OTOF: variants seen among roughly 807,000 people sequenced by gnomAD.
OTOF encodes the protein otoferlin.
Under a neutral mutation model 236.8 loss-of-function variants are expected in OTOF, and 218 were observed. The observed-to-expected ratio is 0.92, with a 90% CI of 0.82 to 1.03. The LOEUF (loss-of-function observed/expected upper bound fraction) is 1.03. OTOF is among the 50% of genes least tolerant of loss of function. OTOF has a pLI of 0.00. For synonymous variants in OTOF, 1,041 were observed against 1,072.5 expected (o/e 0.97, Z 0.57); for missense variants, 2,590 against 2,694.4 (o/e 0.96, Z 0.86).
chr2:26,542,268 G>A (rs548781138), intron 1 of OTOF, among the ~76,000 whole-genome samples: 3 of 152,360 alleles, frequency 2.0e-5, no homozygotes, highest in African/African-American at 4.8e-5. Flanking sequence ...GCCAGCCCAT[G>A]TGTGTTCATT....
Position 26,474,513 on chromosome 2 carries a change from C to CT in OTOF, c.3287dup (p.Ile1097AspfsTer8). The CT allele has an allele frequency of 6.2e-7, 1 of 1,601,860 alleles. No homozygotes were observed. Among genetic ancestry groups the CT allele is most frequent in the South Asian group, 1.1e-5 (1 of 89,580 alleles). ...CAGCCCCTCTTCCCTGCAGTCCCAC[C>CT]TGCAGCAGCTCGAAGGCCGCCAGCA... On this transcript the variant is annotated frameshift_variant and splice_region_variant, in exon 26 of 47. Transcript: ENST00000272371. LOFTEE classifies it high-confidence loss of function.
intron 23 of OTOF, 44 bp from the exon 24 acceptor site, chr2:26,476,082 C>T (rs1665247918): frequency 6.2e-7 from 1 of 1,611,714 alleles, no homozygotes; most frequent in Non-Finnish European, 8.5e-7. Context: ...GGCAGCCCCT[C>T]CGGCCCCCTC....
chr2:26,545,040 CAAAA>C (rs56104110), intron 1 of OTOF, among the ~76,000 whole-genome samples: 1 of 136,474 alleles, frequency 7.3e-6, no homozygotes. Flanking sequence ...GATGCCATCC[CAAAA>C]AAAAAAAAAA....
chr2:26,550,655 C>A (rs1016087156), intron 1 of OTOF, among the ~76,000 whole-genome samples: 2 of 152,138 alleles, frequency 1.3e-5, no homozygotes, highest in Non-Finnish European at 2.9e-5. Flanking sequence ...CCCAGGACCA[C>A]AATTGACTCT....
rs370657974 is a variant in OTOF, at chr2:26,466,700, G to A, written c.4500+14C>T. ...GAGGAGACTTGCAAGGAGGGAAAGC[G>A]ACGGGAGTCTCACCCGGACCACATA... On this transcript the variant is annotated intron_variant, in intron 36 of 46. Coordinates refer to ENST00000272371, the MANE Select transcript of OTOF (RefSeq NM_194248.3). The A allele has an allele frequency of 4.0e-5, 64 of 1,614,106 alleles. No homozygotes were observed. The highest frequency in any genetic ancestry group is 1.8e-4 in the East Asian group (8 of 44,880).
intron 1 of OTOF, among the ~76,000 whole-genome samples, chr2:26,546,676 T>C (rs1175193035): frequency 6.6e-6 from 1 of 152,170 alleles, no homozygotes; most frequent in Non-Finnish European, 1.5e-5. Context: ...TATAGATCAT[T>C]TTGTGGAGAA....
intron 1 of OTOF, among the ~76,000 whole-genome samples, chr2:26,542,021 G>A (rs1190584206): frequency 6.6e-6 from 1 of 152,160 alleles, no homozygotes; most frequent in Admixed American, 6.6e-5. Context: ...CAAGTGCCAT[G>A]GTATCAGATA....
rs1572425245 is a variant in OTOF, at chr2:26,475,438, A to G, written c.3047T>C (p.Leu1016Pro). 1 of 1,612,984 alleles carries G rather than the reference A, an allele frequency of 6.2e-7. No homozygotes were observed. Residue 1016 changes from leucine (L) to proline (P), a missense_variant, in exon 25 of 47, where the codon CTG (leucine) becomes CCG (proline). This residue lies in a region of OTOF where 1,211 missense variants were observed against 1,352.8 expected (regional missense o/e 0.90). Coordinates refer to ENST00000272371, the MANE Select transcript of OTOF (RefSeq NM_194248.3). ...CTCATGAGCTTCACCATAGAGCTCC[A>G]GGTTGTCGAACACCAGCATCTGGTC... is the stretch of plus-strand genomic sequence containing the variant. ...TWDQMLVFDN[L>P]ELYGEAHELR... is the part of the protein sequence containing the mutation.
At chr2:26,552,789 T>A (rs1262017882) in intron 1 of OTOF, among the ~76,000 whole-genome samples, 1 of 152,094 alleles carries the variant, frequency 6.6e-6, no homozygotes, top group African/African-American at 2.4e-5. Flanking sequence ...CCGTTAGGAC[T>A]AAAACAAAAG....
chr2:26,501,387 C>A (rs1264849494), intron 8 of OTOF, among the ~76,000 whole-genome samples: 2 of 152,184 alleles, frequency 1.3e-5, no homozygotes, highest in African/African-American at 4.8e-5. Context: ...AAAAATCATG[C>A]CAGGAAAACT....
chr2:26,463,263 C>A (rs1323313683), intron 41 of OTOF, among the ~76,000 whole-genome samples: 1 of 152,194 alleles, frequency 6.6e-6, no homozygotes, highest in Non-Finnish European at 1.5e-5. Flanking sequence ...AAGGCGTTGT[C>A]CTGCCTTAGC....
intron 15 of OTOF, 55 bp downstream of exon 15, chr2:26,480,731 G>T: frequency 1.4e-6 from 2 of 1,456,124 alleles, no homozygotes; most frequent in East Asian, 4.5e-5. Context: ...GTGACTCAGG[G>T]AGAAGGGGGC....
intron 37 of OTOF, 28 bp downstream of exon 37, chr2:26,465,921 G>C (rs756511052): frequency 4.3e-6 from 7 of 1,614,120 alleles, no homozygotes; most frequent in Non-Finnish European, 5.1e-6. Context: ...GTAGGGGTGT[G>C]GCAGGGGAGG....
intron 5 of OTOF, among the ~76,000 whole-genome samples, chr2:26,511,991 C>T (rs1572464733): frequency 6.6e-6 from 1 of 152,318 alleles, no homozygotes; most frequent in Non-Finnish European, 1.5e-5. Context: ...ACGTGCCCCA[C>T]TGCCCTCTGG....
chr2:26,519,431 G>A (rs1666621425), intron 3 of OTOF, among the ~76,000 whole-genome samples: 1 of 152,246 alleles, frequency 6.6e-6, no homozygotes, highest in African/African-American at 2.4e-5. Flanking sequence ...GAAGCTTCCA[G>A]ATGCTCAGTG....
At chr2:26,531,580 C>CT (rs1666949982) in intron 2 of OTOF, among the ~76,000 whole-genome samples, 1 of 152,206 alleles carries the variant, frequency 6.6e-6, no homozygotes, top group African/African-American at 2.4e-5. Context: ...GCCGCCATCA[C>CT]TTTCCTCTTC....
chr2:26,480,105 G>A, intron 16 of OTOF, 98 bp downstream of exon 16: 1 of 784,814 alleles, frequency 1.3e-6, no homozygotes, highest in Admixed American at 1.8e-5. Context: ...CAGGGCTGAG[G>A]TGCAGAGCCT....
At chr2:26,474,843 C>G (rs553253115) in intron 25 of OTOF, among the ~76,000 whole-genome samples, 169 bp from the exon 26 acceptor site, 1 of 152,204 alleles carries the variant, frequency 6.6e-6, no homozygotes, top group East Asian at 1.9e-4. Context: ...TGTTCAAGGC[C>G]AAGCAGTCAG....
intron 4 of OTOF, 53 bp from the exon 5 acceptor site, chr2:26,516,652 C>G: frequency 1.3e-6 from 2 of 1,571,390 alleles, no homozygotes; most frequent in Non-Finnish European, 1.7e-6. Flanking sequence ...GCAATCTCCA[C>G]CCCGTATATG....
Sources: allele counts gnomAD v4.1 joint callset (sites outside exome capture counted in the v4.1 genomes callset), GRCh38; gene constraint gnomAD v4.1.1; regional missense constraint gnomAD v4.1.1; transcripts MANE v1.5; gene names NCBI Gene and HGNC (gene_info 2026-07-23, HGNC 2026-07-21).